The following MAD1L1 variants were observed in gnomAD, a reference collection of about 807,000 sequenced individuals.
The protein encoded by MAD1L1 is mitotic spindle assembly checkpoint protein MAD1.
MAD1L1 carries 95 observed loss-of-function variants against 96.9 expected under a neutral mutation model. That is an observed-to-expected ratio of 0.98 (90% CI 0.83 to 1.16). The LOEUF (loss-of-function observed/expected upper bound fraction) is 1.16, where lower values mean the gene tolerates loss of function less well. Ranked by LOEUF, MAD1L1 falls within the 50% of genes most tolerant of loss-of-function variation. The pLI, the probability that MAD1L1 is intolerant of heterozygous loss-of-function variation, is 0.00. For synonymous variants in MAD1L1, 473 were observed against 396.6 expected, an observed-to-expected ratio of 1.19 and a Z score of -2.29; for missense variants, 1,007 against 954.4, an observed-to-expected ratio of 1.06 and a Z score of -0.73.
chr7:1,999,906 C>A (rs10249451), intron 14 of MAD1L1, among the ~76,000 whole-genome samples: 149,877 of 152,196 alleles, frequency 0.98, 73,838 homozygotes, highest in Non-Finnish European at 1. Flanking sequence ...GGCTCTGTGA[C>A]TGCACCTGCC....
At chr7:2,112,192 T>C (rs762118753) in intron 11 of MAD1L1, among the ~76,000 whole-genome samples, 1 of 143,334 alleles carries the variant, frequency 7.0e-6, no homozygotes, top group Non-Finnish European at 1.5e-5. Context: ...GAAAGCATGC[T>C]GGGGTGGCCA....
At chr7:1,826,707 C>A (rs1245062708) in intron 18 of MAD1L1, among the ~76,000 whole-genome samples, 1 of 152,250 alleles carries the variant, frequency 6.6e-6, no homozygotes, top group Non-Finnish European at 1.5e-5. Context: ...GACAGAACGC[C>A]GAGAACAAAT....
chr7:2,141,452 T>C (rs1044384754), intron 11 of MAD1L1, among the ~76,000 whole-genome samples: 5 of 152,082 alleles, frequency 3.3e-5, no homozygotes, highest in Non-Finnish European at 7.4e-5. Flanking sequence ...CAGACCATAC[T>C]GGGGGGCCAC....
At chr7:2,001,409 CCTAAAACAGTGGGAAGCTTTTGA>C (rs1253245757) in intron 14 of MAD1L1, among the ~76,000 whole-genome samples, 1 of 152,268 alleles carries the variant, frequency 6.6e-6, no homozygotes, top group Admixed American at 6.5e-5. Flanking sequence ...CCATTTGTTC[CCTAAAACAGTGGGAAGCTTTTGA>C]CACTGGAGGT....
intron 12 of MAD1L1, among the ~76,000 whole-genome samples, chr7:2,068,378 CA>C (rs1185357836): frequency 6.6e-6 from 1 of 152,210 alleles, no homozygotes; most frequent in Non-Finnish European, 1.5e-5. Flanking sequence ...GCTCCACAAC[CA>C]AGAGGTCCCA....
At chr7:1,939,205 C>CACAT (rs1778814562) in intron 16 of MAD1L1, among the ~76,000 whole-genome samples, 1 of 146,866 alleles carries the variant, frequency 6.8e-6, no homozygotes, top group Admixed American at 6.8e-5. Context: ...CACACACACA[C>CACAT]ACACACACAC....
At chr7:2,084,422 C>T (rs1041941358) in intron 11 of MAD1L1, among the ~76,000 whole-genome samples, 4 of 152,220 alleles carry the variant, frequency 2.6e-5, no homozygotes, top group Non-Finnish European at 4.4e-5. Context: ...TGGCGCTGCC[C>T]GGGCAGGGTG....
intron 14 of MAD1L1, among the ~76,000 whole-genome samples, chr7:1,990,354 C>T (rs1781353459): frequency 6.6e-6 from 1 of 152,186 alleles, no homozygotes; most frequent in Admixed American, 6.5e-5. Flanking sequence ...CAACTCTGCA[C>T]CCTCTGGCAC....
At chr7:1,941,705 C>T (rs552678956) in intron 16 of MAD1L1, among the ~76,000 whole-genome samples, 7 of 152,366 alleles carry the variant, frequency 4.6e-5, no homozygotes, top group African/African-American at 1.7e-4. Flanking sequence ...CCGGCTTCCA[C>T]CTGCAGCAGG....
chr7:2,159,641 A>G (rs1790006462), intron 10 of MAD1L1, among the ~76,000 whole-genome samples: 1 of 152,006 alleles, frequency 6.6e-6, no homozygotes, highest in Non-Finnish European at 1.5e-5. Context: ...GAGAATGAGC[A>G]AAAAAAATCA....
intron 18 of MAD1L1, among the ~76,000 whole-genome samples, chr7:1,853,790 AC>A (rs1784100218): frequency 6.6e-6 from 1 of 151,284 alleles, no homozygotes; most frequent in Admixed American, 6.6e-5. Context: ...CTGCCTCTGC[AC>A]CCCCTCCCAA....
At chr7:2,143,850 G>C (rs1418828501) in intron 11 of MAD1L1, among the ~76,000 whole-genome samples, 1 of 152,190 alleles carries the variant, frequency 6.6e-6, no homozygotes, top group African/African-American at 2.4e-5. Context: ...GGGGAGGCCA[G>C]GGCAGACCCC....
intron 10 of MAD1L1, among the ~76,000 whole-genome samples, chr7:2,196,797 G>A (rs1637742): frequency 0.67 from 101,308 of 152,062 alleles, 35,224 homozygotes; most frequent in African/African-American, 0.86. Flanking sequence ...GGAACAGTGC[G>A]GCTCAATTCT....
At chr7:2,077,767 G>T (rs2128536002) in intron 11 of MAD1L1, among the ~76,000 whole-genome samples, 1 of 152,340 alleles carries the variant, frequency 6.6e-6, no homozygotes, top group African/African-American at 2.4e-5. Context: ...AGCCTGCCCT[G>T]CTCTGCTCCG....
chr7:1,916,729 C>A (rs1055506003), intron 17 of MAD1L1, among the ~76,000 whole-genome samples: 1 of 152,110 alleles, frequency 6.6e-6, no homozygotes, highest in Non-Finnish European at 1.5e-5. Flanking sequence ...TGCCTCCCTG[C>A]AGCTCCCCTC....
chr7:1,908,100 T>G (rs201904457), intron 17 of MAD1L1, among the ~76,000 whole-genome samples: 2 of 152,328 alleles, frequency 1.3e-5, no homozygotes, highest in East Asian at 3.9e-4. Context: ...TAGCACAGCC[T>G]GGGCACAGCA....
Position 2,218,006 on chromosome 7 carries a change from G to A in MAD1L1, c.634C>T (p.Gln212Ter). 6.2e-7 allele frequency: 1 copy of A among 1,614,122 alleles called. No homozygotes were observed. The highest frequency in any genetic ancestry group is 8.5e-7 in the Non-Finnish European group (1 of 1,179,968). ...QEANQKIQEL[Q>*]ASQEARADHE... ...TCTGCTCTTGCTTCTTGGCTGGCCT[G>A]GAGTTCCTGGATTTTCTGATTGGCT... The change falls in exon 7 of 19, where the codon CAG (glutamine) becomes TAG (stop). Residue 212 changes from glutamine (Q) to a stop codon, truncating the protein, a stop_gained. Coordinates refer to ENST00000265854, the MANE Select transcript of MAD1L1 (RefSeq NM_001013836.2). LOFTEE classifies it high-confidence loss of function.
At chr7:1,965,421 A>G (rs931451564) in intron 15 of MAD1L1, among the ~76,000 whole-genome samples, 26 of 152,178 alleles carry the variant, frequency 1.7e-4, no homozygotes, top group African/African-American at 6.0e-4. Context: ...TGGAAGGCCC[A>G]CCGCACTGGT....
intron 10 of MAD1L1, among the ~76,000 whole-genome samples, chr7:2,162,634 A>G (rs192560962): frequency 2.0e-5 from 3 of 151,190 alleles, no homozygotes; most frequent in East Asian, 1.9e-4. Context: ...GGGGTAAATG[A>G]TATCTTAAAA....
Sources: allele counts gnomAD v4.1 joint callset (sites outside exome capture counted in the v4.1 genomes callset), GRCh38; gene constraint gnomAD v4.1.1; transcripts MANE v1.5; gene names NCBI Gene and HGNC (gene_info 2026-07-23, HGNC 2026-07-21).